TGIF2: variants seen among roughly 807,000 people sequenced by gnomAD.
TGIF2 encodes homeobox protein TGIF2.
A neutral mutation model predicts 15.1 loss-of-function variants in TGIF2; 5 were observed. That is an observed-to-expected ratio of 0.33 (90% confidence interval 0.17 to 0.70). The LOEUF (loss-of-function observed/expected upper bound fraction) is 0.70, where lower values mean the gene tolerates loss of function less well. TGIF2 is among the 30% of genes least tolerant of loss of function. The pLI is 0.67. For synonymous variants in TGIF2, 131 were observed against 128.9 expected (o/e 1.02, Z -0.11); for missense variants, 264 against 302.5 (o/e 0.87, Z 0.94).
At chr20:36,589,523 G>A (rs1464692471) in intron 2 of TGIF2, among the ~76,000 whole-genome samples, 2 of 151,876 alleles carry the variant, frequency 1.3e-5, no homozygotes, top group East Asian at 3.9e-4. Flanking sequence ...CCCCCAAGTA[G>A]CTGGGACTAC....
intron 1 of TGIF2, among the ~76,000 whole-genome samples, chr20:36,574,003 C>T (rs2038357159): frequency 6.6e-6 from 1 of 151,660 alleles, no homozygotes; most frequent in Non-Finnish European, 1.5e-5. Context: ...TGGTGGGGGG[C>T]CCAGCTTCAT....
chr20:36,575,285 C>G (rs2038404170), intron 1 of TGIF2, among the ~76,000 whole-genome samples: 1 of 151,992 alleles, frequency 6.6e-6, no homozygotes, highest in African/African-American at 2.4e-5. Flanking sequence ...GTGTGGGGTG[C>G]ATATGTGGGA....
intron 1 of TGIF2, among the ~76,000 whole-genome samples, chr20:36,578,412 CAAAAAAAAAAAA>C (rs747225580): frequency 3.2e-5 from 3 of 92,318 alleles, no homozygotes; most frequent in African/African-American, 1.2e-4. Context: ...GAGCCTCTCT[CAAAAAAAAAAAA>C]AAAAGAAAAG....
At chr20:36,579,729 C>T (rs1232889770) in intron 2 of TGIF2, among the ~76,000 whole-genome samples, 4 of 152,162 alleles carry the variant, frequency 2.6e-5, no homozygotes, top group Admixed American at 2.6e-4. Flanking sequence ...AGTTCTGCCT[C>T]ACGTCTTGAT....
In TGIF2 at chr20:36,593,219, C is replaced by T. The variant is rs1246086341; in HGVS notation, c.*1788C>T. The T allele has an allele frequency of 6.6e-6, 1 of 152,590 alleles. No individual in the cohort carries two copies. Among genetic ancestry groups the T allele is most frequent in the African/African-American group, 2.4e-5 (1 of 41,424 alleles). 9.5% of individuals were successfully genotyped at this position (152,590 alleles called of 1,614,324 possible). A position where few individuals can be genotyped will look rare whatever the true frequency, so the allele number is the denominator to read the frequency against. The stretch of plus-strand genomic sequence containing the variant: ...ATCAGGACGACAGCCTTTAGTTTTC[C>T]TGAAATCACCAGGTCAGGCACAAGG... On this transcript the variant is annotated 3_prime_UTR_variant, in exon 3 of 3. Coordinates refer to ENST00000373872, the MANE Select transcript of TGIF2 (RefSeq NM_021809.7).
At chr20:36,577,531 T>G (rs1719530180) in intron 1 of TGIF2, among the ~76,000 whole-genome samples, 1 of 151,376 alleles carries the variant, frequency 6.6e-6, no homozygotes, top group African/African-American at 2.4e-5. Context: ...TTTGTTTTTT[T>G]TTTTTTGAGA....
intron 2 of TGIF2, among the ~76,000 whole-genome samples, chr20:36,582,912 G>C (rs2038575195): frequency 6.6e-6 from 1 of 152,124 alleles, no homozygotes; most frequent in Admixed American, 6.6e-5. Context: ...ATATTTCAGG[G>C]TTTTGGCTTC....
intron 2 of TGIF2, among the ~76,000 whole-genome samples, chr20:36,581,397 TC>T (rs2038543710): frequency 6.6e-6 from 1 of 152,016 alleles, no homozygotes; most frequent in South Asian, 2.1e-4. Flanking sequence ...GTTCATTTAA[TC>T]CATTATTTTG....
Position 36,589,394 on chromosome 20 carries a change from CT to C in TGIF2, c.193-1500del, listed in dbSNP as rs201244590. 9.5e-3 allele frequency among the ~76,000 whole-genome samples: 1,333 copies of C among 140,178 alleles called. 11 individuals carry two copies. The highest frequency in any genetic ancestry group is 0.023 in the African/African-American group (870 of 38,498). The allele number at this position is 140,178 out of a possible 152,430, so 92.0% of individuals were successfully genotyped here. A position where few individuals can be genotyped will look rare whatever the true frequency, so the allele number is the denominator to read the frequency against. ...AGGAAGGTGAGAAGCTCTAACTTGA[CT>C]TTTTTTTTTTTTTTTAAGACGGAGT... On this transcript the variant is annotated intron_variant, in intron 2 of 2. Coordinates refer to ENST00000373872, the MANE Select transcript of TGIF2 (RefSeq NM_021809.7).
intron 1 of TGIF2, chr20:36,574,438 C>CT (rs1491346942): frequency 5.4e-4 from 1 of 1,838 alleles, no homozygotes; most frequent in South Asian, 0.015. Context: ...GGGCGCAGGG[C>CT]TGGGGGGGGG....
intron 1 of TGIF2, among the ~76,000 whole-genome samples, chr20:36,577,326 A>G (rs2038451028): frequency 6.6e-6 from 1 of 151,652 alleles, no homozygotes; most frequent in Non-Finnish European, 1.5e-5. Flanking sequence ...CAGCCTCCCA[A>G]GTAGCTGGGA....
intron 2 of TGIF2, among the ~76,000 whole-genome samples, chr20:36,580,653 C>T (rs112416196): frequency 0.029 from 4,357 of 148,768 alleles, 100 homozygotes; most frequent in Non-Finnish European, 0.043. Flanking sequence ...CTGTACAAAA[C>T]AAAAAAATTA....
chr20:36,578,660 A>G, intron 1 of TGIF2, 81 bp from the exon 2 acceptor site: 1 of 1,431,032 alleles, frequency 7.0e-7, no homozygotes, highest in Non-Finnish European at 9.3e-7. Context: ...CCCAGGCTCA[A>G]GTAATGCTGA....
At chr20:36,582,943 C>G (rs2038575829) in intron 2 of TGIF2, among the ~76,000 whole-genome samples, 1 of 152,084 alleles carries the variant, frequency 6.6e-6, no homozygotes, top group African/African-American at 2.4e-5. Flanking sequence ...TCATCTAAAC[C>G]ATCATTATCT....
Position 36,591,209 on chromosome 20 carries a change from T to G in TGIF2, c.492T>G (p.Leu164=). 1 of 1,614,182 alleles carries G rather than the reference T, an allele frequency of 6.2e-7. No homozygotes were observed. The highest frequency in any genetic ancestry group is 8.5e-7 in the Non-Finnish European group (1 of 1,180,002). The part of the protein sequence containing the change: ...PKPLVTPGST[L]TLLTRAEAGS... ...CCCTGGTGACCCCTGGTAGCACACTTACTCTGCTGACCAGGGCTGAGGCTG... is the reference window on the plus strand; with the variant it reads ...CCCTGGTGACCCCTGGTAGCACACTGACTCTGCTGACCAGGGCTGAGGCTG... The change falls in exon 3 of 3, where the codon CTT becomes CTG. Residue 164 remains leucine, a synonymous_variant. Coordinates refer to ENST00000373872, the MANE Select transcript of TGIF2 (RefSeq NM_021809.7). The surrounding 1 kb of genome is among the most constrained non-coding windows in gnomAD (Gnocchi z 5.3).
chr20:36,578,991 G>C, intron 2 of TGIF2, 25 bp downstream of exon 2: 2 of 1,604,354 alleles, frequency 1.2e-6, no homozygotes, highest in Non-Finnish European at 1.7e-6. Flanking sequence ...TGGATAAGGG[G>C]GTGGCAGGAG....
intron 1 of TGIF2, among the ~76,000 whole-genome samples, chr20:36,574,169 G>T (rs1466680472): frequency 6.6e-6 from 1 of 151,864 alleles, no homozygotes; most frequent in Non-Finnish European, 1.5e-5. Context: ...TGACAGCTGG[G>T]GGTGGGGGCC....
intron 2 of TGIF2, among the ~76,000 whole-genome samples, chr20:36,590,279 G>T (rs1468001087): frequency 1.3e-5 from 2 of 151,872 alleles, no homozygotes; most frequent in Non-Finnish European, 2.9e-5. Context: ...TCATGTCCGG[G>T]CTCTGGAGTC....
chr20:36,580,813 C>CAAAA (rs71184101), intron 2 of TGIF2, among the ~76,000 whole-genome samples: 3 of 45,928 alleles, frequency 6.5e-5, no homozygotes, highest in African/African-American at 9.0e-5. Context: ...GACATTGTCT[C>CAAAA]AAAAAAAAAA....
Sources: allele counts gnomAD v4.1 joint callset (sites outside exome capture counted in the v4.1 genomes callset), GRCh38; gene constraint gnomAD v4.1.1; non-coding constraint Gnocchi (gnomAD v3.1); transcripts MANE v1.5; gene names NCBI Gene and HGNC (gene_info 2026-07-23, HGNC 2026-07-21).